The following TTC17 variants were observed in gnomAD, a reference collection of about 807,000 sequenced individuals.
TTC17 encodes the protein tetratricopeptide repeat domain 17.
Under a neutral mutation model 143.8 loss-of-function variants are expected in TTC17, and 58 were observed. The observed-to-expected ratio is 0.40, with a 90% CI of 0.33 to 0.50. The LOEUF (loss-of-function observed/expected upper bound fraction) is 0.50. Among genes scored for constraint, TTC17 ranks in the 20% least tolerant of loss-of-function variants. The pLI is 0.49. For synonymous variants in TTC17, 501 were observed against 497.8 expected (o/e 1.01, Z -0.09); for missense variants, 1,273 against 1,392.5 (o/e 0.91, Z 1.37).
At chr11:43,378,840 C>CT (rs1301503170) in intron 1 of TTC17, 1 of 158,280 alleles carries the variant, frequency 6.3e-6, no homozygotes, top group Non-Finnish European at 1.4e-5. Flanking sequence ...TAATATTTTC[C>CT]TTTTATCACT....
chr11:43,420,789 A>G (rs1304142574), intron 16 of TTC17, among the ~76,000 whole-genome samples: 1 of 152,162 alleles, frequency 6.6e-6, no homozygotes, highest in South Asian at 2.1e-4. Flanking sequence ...GCCAAAAAAA[A>G]TGTTTTATTT....
intron 16 of TTC17, among the ~76,000 whole-genome samples, chr11:43,434,157 C>G (rs1355166140): frequency 6.8e-6 from 1 of 147,952 alleles, no homozygotes; most frequent in African/African-American, 2.5e-5. Context: ...CATTAGCCCT[C>G]CATGGGCGGG....
intron 21 of TTC17, among the ~76,000 whole-genome samples, chr11:43,488,281 A>T (rs1948413834): frequency 6.6e-6 from 1 of 152,168 alleles, no homozygotes; most frequent in African/African-American, 2.4e-5. Flanking sequence ...GAAAATGTAG[A>T]ATTATAAAAT....
intron 2 of TTC17, 53 bp downstream of exon 2, chr11:43,379,375 A>C (rs944350531): frequency 1.5e-5 from 23 of 1,494,548 alleles, no homozygotes; most frequent in African/African-American, 4.2e-5. Flanking sequence ...ATTTCACAGG[A>C]GCCATTGTGT....
Position 43,405,600 on chromosome 11 carries a change from T to C in TTC17, c.1566T>C (p.Tyr522=), listed in dbSNP as rs1463282414. 2 of 1,613,818 alleles carry C rather than the reference T, an allele frequency of 1.2e-6. No homozygotes were observed. The highest frequency in any genetic ancestry group is 2.7e-5 in the African/African-American group (2 of 74,910). The stretch of plus-strand genomic sequence containing the variant: ...CTGTTGGTGGGGAATTGCCAACGTA[T>C]TTTCTGCCTCCGGAAAACAAAGGAC... ...RVPVGGELPT[Y]FLPPENKGLR... Residue 522 remains tyrosine (Y), a synonymous_variant, in exon 12 of 24, where the codon TAT becomes TAC. Transcript: ENST00000039989.
chr11:43,389,819 C>A lies in TTC17; in HGVS notation c.417C>A (p.Ile139=), dbSNP rs1857309742. ...GTYITLESKD[I]SPEDYIDTES... ...ACATAACTTTGGAGAGCAAAGACATCAGGTAAAGAAGTTCTCTTTCCAAAA... is the reference window on the plus strand; with the variant it reads ...ACATAACTTTGGAGAGCAAAGACATAAGGTAAAGAAGTTCTCTTTCCAAAA... Residue 139 remains isoleucine (I), a splice_region_variant and synonymous_variant, in exon 3 of 24, where the codon ATC becomes ATA. Coordinates refer to ENST00000039989, the MANE Select transcript of TTC17 (RefSeq NM_018259.6). 1.9e-6 allele frequency: 3 copies of A among 1,586,188 alleles called. No individual in the cohort carries two copies. The highest frequency in any genetic ancestry group is 2.6e-6 in the Non-Finnish European group (3 of 1,171,664).
At chr11:43,407,273 T>C in intron 14 of TTC17, 58 bp downstream of exon 14, 1 of 1,561,010 alleles carries the variant, frequency 6.4e-7, no homozygotes, top group Admixed American at 1.9e-5. Flanking sequence ...TAAGTAAAAG[T>C]TAAAATGCAC....
At chr11:43,458,246 G>T (rs16937507) in intron 21 of TTC17, among the ~76,000 whole-genome samples, 5,418 of 152,198 alleles carry the variant, frequency 0.036, 116 homozygotes, top group Middle Eastern at 0.051. Flanking sequence ...CTCTGGGGAA[G>T]CCTGGAAGAG....
intron 16 of TTC17, among the ~76,000 whole-genome samples, chr11:43,429,032 T>TG (rs1446080497): frequency 6.6e-6 from 1 of 152,206 alleles, no homozygotes; most frequent in East Asian, 1.9e-4. Context: ...CCATTATTTC[T>TG]GTTCAAATAA....
At chr11:43,415,177 C>G (rs1039452584) in intron 16 of TTC17, among the ~76,000 whole-genome samples, 1 of 152,136 alleles carries the variant, frequency 6.6e-6, no homozygotes, top group Non-Finnish European at 1.5e-5. Context: ...CACTGAAATA[C>G]AGCTCCTTGT....
intron 16 of TTC17, among the ~76,000 whole-genome samples, chr11:43,417,497 A>G (rs956673818): frequency 2.0e-5 from 3 of 152,170 alleles, no homozygotes; most frequent in Non-Finnish European, 4.4e-5. Context: ...TTTTCCATGT[A>G]ATAGTCATGG....
chr11:43,404,660 A>G (rs1858029340), intron 11 of TTC17, among the ~76,000 whole-genome samples: 1 of 152,192 alleles, frequency 6.6e-6, no homozygotes, highest in African/African-American at 2.4e-5. Flanking sequence ...AGGTATGAGG[A>G]CAGAGACTGT....
chr11:43,452,456 G>A (rs959907368), intron 21 of TTC17, among the ~76,000 whole-genome samples: 5 of 152,036 alleles, frequency 3.3e-5, no homozygotes, highest in African/African-American at 7.2e-5. Context: ...AGCCAAGATC[G>A]CGCCACTGCA....
At chr11:43,466,311 G>A (rs1947971540) in intron 21 of TTC17, 1 of 152,898 alleles carries the variant, frequency 6.5e-6, no homozygotes, top group African/African-American at 2.4e-5. Flanking sequence ...TAGAACACCT[G>A]TGCACTGTTG....
intron 1 of TTC17, among the ~76,000 whole-genome samples, chr11:43,373,784 C>T (rs909143554): frequency 6.6e-6 from 1 of 152,072 alleles, no homozygotes; most frequent in African/African-American, 2.4e-5. Context: ...TTTACGGTAA[C>T]GTTAAGTCTT....
At chr11:43,484,483 G>A (rs1378753613) in intron 21 of TTC17, among the ~76,000 whole-genome samples, 1 of 152,104 alleles carries the variant, frequency 6.6e-6, no homozygotes, top group Admixed American at 6.6e-5. Flanking sequence ...GATATATAAT[G>A]TTCATGGATA....
At chr11:43,491,738 G>GA (rs1412680757) in intron 22 of TTC17, 8 of 373,806 alleles carry the variant, frequency 2.1e-5, no homozygotes, top group African/African-American at 1.0e-4. Context: ...TTCACCAGAA[G>GA]AAACCAACTA....
At chr11:43,405,234 C>T (rs1432628283) in intron 11 of TTC17, among the ~76,000 whole-genome samples, 2 of 151,630 alleles carry the variant, frequency 1.3e-5, no homozygotes, top group Admixed American at 1.3e-4. Context: ...GAGCCTAAGA[C>T]TTGCTTCTCT....
intron 8 of TTC17, among the ~76,000 whole-genome samples, chr11:43,398,419 G>A (rs936153971): frequency 6.6e-6 from 1 of 152,166 alleles, no homozygotes; most frequent in Non-Finnish European, 1.5e-5. Context: ...GGGAGACTGG[G>A]ATACTTAGTT....
Sources: gnomAD v4.1 joint callset for allele counts (sites outside exome capture counted in the v4.1 genomes callset) on GRCh38, gnomAD v4.1.1 for gene constraint, MANE v1.5 for transcripts, NCBI Gene and HGNC (gene_info 2026-07-23, HGNC 2026-07-21) for gene names.